Variants in GSE1 observed in about 807,000 individuals in gnomAD.
GSE1 encodes the protein genetic suppressor element 1.
A neutral mutation model predicts 112.6 loss-of-function variants in GSE1; 32 were observed. The ratio of observed to expected loss-of-function variants is 0.28; its 90% CI spans 0.21 to 0.38. The LOEUF (loss-of-function observed/expected upper bound fraction) is 0.38. Among genes scored for constraint, GSE1 ranks in the 10% least tolerant of loss-of-function variants. The pLI, the probability that GSE1 is intolerant of heterozygous loss-of-function variation, is 1.00. For missense variants in GSE1, 2,348 were observed against 1,699.2 expected (o/e 1.38, Z -6.71); for synonymous variants, 1,115 against 735.6 (o/e 1.52, Z -8.35).
Position 85,656,323 on chromosome 16 carries a change from A to C in GSE1, c.990-20A>C. The C allele has an allele frequency of 6.2e-7, 1 of 1,607,604 alleles. No individual in the cohort carries two copies. The highest frequency in any genetic ancestry group is 8.5e-7 in the Non-Finnish European group (1 of 1,177,780). ...TGTTCCTGGTGCAGCAGAGCCCCCA[A>C]CTCTTTCCATGTGCTGCAGGCTGCA... On this transcript the variant is annotated intron_variant, in intron 6 of 15. Transcript: ENST00000253458.
chr16:85,533,189 G>A (rs1041857094), intron 2 of GSE1, among the ~76,000 whole-genome samples: 5 of 151,920 alleles, frequency 3.3e-5, no homozygotes, highest in African/African-American at 1.2e-4. Context: ...AAGGCAGGGG[G>A]ATCACCTGAA....
At chr16:85,667,921 T>C (rs1385056143) in intron 13 of GSE1, among the ~76,000 whole-genome samples, 2 of 151,372 alleles carry the variant, frequency 1.3e-5, no homozygotes, top group Non-Finnish European at 2.9e-5. Flanking sequence ...CAGAATCAAC[T>C]AGCACTCAGG....
At chr16:85,385,386 G>A (rs1046736933) in intron 2 of GSE1, among the ~76,000 whole-genome samples, 5 of 152,206 alleles carry the variant, frequency 3.3e-5, no homozygotes, top group Non-Finnish European at 7.3e-5. Context: ...CCCACTATTG[G>A]AGTCACCATG....
At chr16:85,181,518 G>C (rs1351850341) in intron 1 of GSE1, among the ~76,000 whole-genome samples, 1 of 152,210 alleles carries the variant, frequency 6.6e-6, no homozygotes, top group Non-Finnish European at 1.5e-5. Context: ...GAGCACAGGA[G>C]GCCGCCGTGC....
chr16:85,630,502 A>T (rs2049452086), intron 1 of GSE1, among the ~76,000 whole-genome samples: 1 of 152,150 alleles, frequency 6.6e-6, no homozygotes, highest in African/African-American at 2.4e-5. Context: ...AGGGTAATTT[A>T]CAGAGACAGC....
chr16:85,608,963 G>C (rs1248749835), upstream of GSE1, among the ~76,000 whole-genome samples: 1 of 152,230 alleles, frequency 6.6e-6, no homozygotes, highest in Non-Finnish European at 1.5e-5. Flanking sequence ...GTGCTGTCCT[G>C]CTGAGCCCTA....
intron 1 of GSE1, among the ~76,000 whole-genome samples, chr16:85,279,231 G>A (rs1333152146): frequency 2.0e-5 from 3 of 152,196 alleles, no homozygotes; most frequent in African/African-American, 7.2e-5. Flanking sequence ...GGGAGAAAGC[G>A]TATTTTCCTG....
At chr16:85,348,491 T>G (rs2046788884) in intron 1 of GSE1, among the ~76,000 whole-genome samples, 1 of 152,164 alleles carries the variant, frequency 6.6e-6, no homozygotes, top group Non-Finnish European at 1.5e-5. Flanking sequence ...AGCTCTTTCT[T>G]GGTCACCCGG....
At chr16:85,314,418 G>C (rs2045940861) in intron 1 of GSE1, among the ~76,000 whole-genome samples, 1 of 152,328 alleles carries the variant, frequency 6.6e-6, no homozygotes, top group South Asian at 2.1e-4. Context: ...CCCAGCATCT[G>C]TGTGGGGCTG....
At chr16:85,533,245 A>G (rs1207174080) in intron 2 of GSE1, among the ~76,000 whole-genome samples, 4 of 121,590 alleles carry the variant, frequency 3.3e-5, no homozygotes, top group Admixed American at 3.3e-4. Flanking sequence ...ACCTGTCTCT[A>G]CTAAAAAAAA....
intron 2 of GSE1, among the ~76,000 whole-genome samples, chr16:85,541,739 C>T (rs1567572714): frequency 6.6e-6 from 1 of 152,194 alleles, no homozygotes; most frequent in African/African-American, 2.4e-5. Flanking sequence ...ATGAGCAGTA[C>T]AGGGGGAAGG....
intron 1 of GSE1, among the ~76,000 whole-genome samples, chr16:85,354,368 C>T (rs1331959987): frequency 6.6e-6 from 1 of 152,226 alleles, no homozygotes; most frequent in Non-Finnish European, 1.5e-5. Context: ...GAAGGATTAA[C>T]TATGCTAATC....
At chr16:85,527,883 A>C (rs2052414268) in intron 2 of GSE1, among the ~76,000 whole-genome samples, 1 of 152,248 alleles carries the variant, frequency 6.6e-6, no homozygotes, top group African/African-American at 2.4e-5. Context: ...AGATTTCCTC[A>C]CTGGGTTTTA....
chr16:85,171,886 C>T (rs2074364158), intron 1 of GSE1: 4 of 808,200 alleles, frequency 4.9e-6, no homozygotes, highest in African/African-American at 1.8e-5. Context: ...TTCTGTTCCT[C>T]AGAAAAACTC....
intron 1 of GSE1, among the ~76,000 whole-genome samples, chr16:85,583,812 G>A (rs1034960557): frequency 6.6e-6 from 1 of 152,186 alleles, no homozygotes; most frequent in African/African-American, 2.4e-5. Flanking sequence ...ACCCAGAAAA[G>A]GCAATTGCTG....
At chr16:85,655,104 G>T (rs1035136148) in intron 5 of GSE1, 113 bp downstream of exon 5, 9 of 732,874 alleles carry the variant, frequency 1.2e-5, no homozygotes, top group Non-Finnish European at 2.1e-5. Context: ...CTAGGGGAGG[G>T]TCTAGAGTAG....
intron 1 of GSE1, among the ~76,000 whole-genome samples, chr16:85,596,594 CA>C (rs2047237133): frequency 6.6e-6 from 1 of 152,206 alleles, no homozygotes; most frequent in African/African-American, 2.4e-5. Flanking sequence ...ATACAGTAGC[CA>C]CTATCTATTT....
chr16:85,521,852 G>A (rs1335577481), intron 2 of GSE1, among the ~76,000 whole-genome samples: 1 of 152,214 alleles, frequency 6.6e-6, no homozygotes, highest in Non-Finnish European at 1.5e-5. Flanking sequence ...GGTCGTGGAG[G>A]GTTCCCACAC....
At chr16:85,654,245 C>A (rs770457010) in intron 3 of GSE1, 33 bp from the exon 4 acceptor site, 1 of 1,560,964 alleles carries the variant, frequency 6.4e-7, no homozygotes, top group Non-Finnish European at 8.7e-7. Context: ...CTATACCAGG[C>A]TCCTGCCCTG....
Sources: allele counts gnomAD v4.1 joint callset (sites outside exome capture counted in the v4.1 genomes callset), GRCh38; gene constraint gnomAD v4.1.1; transcripts MANE v1.5; gene names NCBI Gene and HGNC (gene_info 2026-07-23, HGNC 2026-07-21).